The following SLK variants were observed in gnomAD, a reference collection of about 807,000 sequenced individuals.
SLK encodes STE20 like kinase.
In SLK, 67 loss-of-function variants were observed where a neutral mutation model predicts 147.7. The observed-to-expected ratio is 0.45, with a 90% confidence interval of 0.37 to 0.56. The LOEUF is 0.56. Among genes scored for constraint, SLK ranks in the 20% least tolerant of loss-of-function variants. The pLI is 0.00. For missense variants in SLK, 1,136 were observed against 1,438.8 expected (o/e 0.79, Z 3.41); for synonymous variants, 441 against 475.0 (o/e 0.93, Z 0.93).
At chr10:103,972,335 C>A (rs1477741259) in intron 1 of SLK, among the ~76,000 whole-genome samples, 4 of 152,264 alleles carry the variant, frequency 2.6e-5, no homozygotes, top group African/African-American at 9.6e-5. Context: ...CCAGATGATG[C>A]CAAACTAATT....
intron 1 of SLK, among the ~76,000 whole-genome samples, chr10:103,984,197 C>G (rs776232527): frequency 3.9e-5 from 6 of 152,132 alleles, no homozygotes; most frequent in Non-Finnish European, 5.9e-5. Context: ...ATGGATATTA[C>G]TATATACGAT....
At chr10:104,009,097 G>A (rs143882557) in intron 12 of SLK, among the ~76,000 whole-genome samples, 93 of 151,914 alleles carry the variant, frequency 6.1e-4, no homozygotes, top group Non-Finnish European at 1.2e-3. Flanking sequence ...TATTATATTA[G>A]CATCTTTTTT....
At chr10:103,982,515 A>G (rs975545309) in intron 1 of SLK, among the ~76,000 whole-genome samples, 2 of 152,218 alleles carry the variant, frequency 1.3e-5, no homozygotes, top group Non-Finnish European at 2.9e-5. Context: ...GAGAATATAA[A>G]GTATATTTCT....
Position 103,978,182 on chromosome 10 carries a change from T to C in SLK, c.150+10287T>C, listed in dbSNP as rs529252278. Among the ~76,000 whole-genome samples, 14 of 152,296 alleles carry C rather than the reference T, an allele frequency of 9.2e-5. No homozygotes were observed. In the East Asian group the frequency reaches 2.7e-3, roughly 29 times the overall value. On this transcript the variant is annotated intron_variant, in intron 1 of 18. Coordinates refer to ENST00000369755, the MANE Select transcript of SLK (RefSeq NM_014720.4). Reference sequence around the variant, plus strand: ...TTTTATAATATATTTTCTGGCACAATTTTAAAGTTTTAAACTTTCCTTCTT... The same window carrying C: ...TTTTATAATATATTTTCTGGCACAACTTTAAAGTTTTAAACTTTCCTTCTT...
chr10:104,015,789 T>C (rs1844455248), intron 13 of SLK, among the ~76,000 whole-genome samples: 1 of 152,224 alleles, frequency 6.6e-6, no homozygotes, highest in Non-Finnish European at 1.5e-5. Flanking sequence ...TATATTTACC[T>C]TTTTTATTTT....
At chr10:104,008,833 C>T (rs1346842120) in intron 12 of SLK, among the ~76,000 whole-genome samples, 2 of 152,150 alleles carry the variant, frequency 1.3e-5, no homozygotes, top group Admixed American at 6.5e-5. Context: ...ATACTTTTAA[C>T]GATTTTGTTT....
Position 103,986,509 on chromosome 10 carries a change from G to T in SLK, c.151-4166G>T, listed in dbSNP as rs1030958015. Among the ~76,000 whole-genome samples, 7 of 152,248 alleles carry T rather than the reference G, an allele frequency of 4.6e-5. No individual in the cohort carries two copies. The East Asian group carries it at 1.3e-3, about 29-fold the overall frequency. On this transcript the variant is annotated intron_variant, in intron 1 of 18. Coordinates refer to ENST00000369755, the MANE Select transcript of SLK (RefSeq NM_014720.4). The stretch of plus-strand genomic sequence containing the variant: ...GCTCAGGTGGTATTGTGAGCAATGG[G>T]GAGTGGCTCTGAATACAGATGAAGC...
In SLK at chr10:104,001,394, A is replaced by G. The variant is rs113606763; in HGVS notation, c.865-50A>G. The G allele has an allele frequency of 4.0e-3, 5,728 of 1,440,724 alleles. 165 individuals carry two copies. The African/African-American group carries it at 0.069, about 17-fold the overall frequency. The allele number at this position is 1,440,724 out of a possible 1,614,324, so 89.2% of individuals were successfully genotyped here. On this transcript the variant is annotated intron_variant, in intron 7 of 18. Coordinates refer to ENST00000369755, the MANE Select transcript of SLK (RefSeq NM_014720.4). ...TGTGTGTTGTGTGTGTTTGAAACTT[A>G]GTTTAGTAGTATTCCAGTTGTTGAG... is the stretch of plus-strand genomic sequence containing the variant.
rs200759996 is a variant in SLK, at chr10:104,002,385, G to A, written c.1207G>A (p.Asp403Asn). The A allele has an allele frequency of 7.7e-5, 124 of 1,613,488 alleles. No individual in the cohort carries two copies. The highest frequency in any genetic ancestry group is 1.0e-4 in the Non-Finnish European group (119 of 1,179,830). ...GGAGGATATTAATGAACATATTACC[G>A]ATGCTCAGTTAGAAGCAATGACTGA... ...AVEDINEHIT[D>N]AQLEAMTELH... Residue 403 changes from aspartate to asparagine, a missense_variant, in exon 9 of 19, where the codon GAT (aspartate) becomes AAT (asparagine). By Grantham distance (23) the Asp-to-Asn change is conservative (BLOSUM62 1). This residue lies in a region of SLK where 516 missense variants were observed against 531.3 expected (regional missense o/e 0.97). Coordinates refer to ENST00000369755, the MANE Select transcript of SLK (RefSeq NM_014720.4).
intron 1 of SLK, among the ~76,000 whole-genome samples, chr10:103,988,873 A>T (rs561069791): frequency 1.3e-5 from 2 of 152,128 alleles, no homozygotes; most frequent in East Asian, 3.9e-4. Flanking sequence ...TGATGAGGAG[A>T]CTAAAAGAGG....
chr10:104,009,891 G>A (rs559213671), intron 12 of SLK, among the ~76,000 whole-genome samples: 3 of 152,158 alleles, frequency 2.0e-5, no homozygotes, highest in East Asian at 1.9e-4. Flanking sequence ...AATACACGAT[G>A]TTAAATCAAA....
intron 1 of SLK, among the ~76,000 whole-genome samples, 199 bp from the exon 2 acceptor site, chr10:103,990,476 C>G (rs1043318350): frequency 6.6e-6 from 1 of 152,148 alleles, no homozygotes; most frequent in Non-Finnish European, 1.5e-5. Flanking sequence ...CTAAAACTTT[C>G]CTTTATCAAA....
chr10:103,989,213 T>C (rs1844056752), intron 1 of SLK, among the ~76,000 whole-genome samples: 1 of 152,100 alleles, frequency 6.6e-6, no homozygotes, highest in Non-Finnish European at 1.5e-5. Context: ...TAAAAAATGG[T>C]CAAAAGATTT....
Position 104,026,518 on chromosome 10 carries a change from G to T in SLK, c.*798G>T, listed in dbSNP as rs1375632921. 2.0e-5 allele frequency: 3 copies of T among 152,230 alleles called. No individual in the cohort carries two copies. The highest frequency in any genetic ancestry group is 7.2e-5 in the African/African-American group (3 of 41,440). The allele number at this position is 152,230 out of a possible 1,614,324, so 9.4% of individuals were successfully genotyped here. A position where few individuals can be genotyped will look rare whatever the true frequency, so the allele number is the denominator to read the frequency against. ...ACAAAGTTTGGAAAGATGAAAAAAA[G>T]AGGTAGCTTTTAGATTGCAAACTGG... On this transcript the variant is annotated 3_prime_UTR_variant, in exon 19 of 19. Coordinates refer to ENST00000369755, the MANE Select transcript of SLK (RefSeq NM_014720.4).
rs533772044 is a variant in SLK at position 103,997,158 on chromosome 10, G to A, written c.515-1741G>A. 1.8e-4 allele frequency among the ~76,000 whole-genome samples: 27 copies of A among 152,208 alleles called. No homozygotes were observed. The South Asian group carries it at 4.8e-3, about 27-fold the overall frequency. ...GATTTTGACCACTCTAGGTATATAC[G>A]TATGTGGAATCATACAACATTTGTC... is the stretch of plus-strand genomic sequence containing the variant. On this transcript the variant is annotated intron_variant, in intron 4 of 18. Coordinates refer to ENST00000369755, the MANE Select transcript of SLK (RefSeq NM_014720.4).
intron 13 of SLK, among the ~76,000 whole-genome samples, chr10:104,012,446 G>A (rs1937066059): frequency 6.6e-6 from 1 of 152,070 alleles, no homozygotes; most frequent in Non-Finnish European, 1.5e-5. Flanking sequence ...AGTTTAAGGT[G>A]GTTAATAGCA....
At chr10:103,983,302 G>A (rs1014689294) in intron 1 of SLK, among the ~76,000 whole-genome samples, 11 of 152,274 alleles carry the variant, frequency 7.2e-5, no homozygotes, top group Non-Finnish European at 1.6e-4. Flanking sequence ...CAGTCTAAAA[G>A]TATATGCTTC....
chr10:104,007,330 G>A (rs1232554185), intron 11 of SLK, among the ~76,000 whole-genome samples: 2 of 152,054 alleles, frequency 1.3e-5, no homozygotes, highest in East Asian at 3.9e-4. Context: ...TTTGGGTCGG[G>A]CGCAGTGCCT....
chr10:104,016,244 G>A (rs1428649389), intron 13 of SLK, among the ~76,000 whole-genome samples: 13 of 152,020 alleles, frequency 8.6e-5, no homozygotes, highest in Admixed American at 4.6e-4. Context: ...GCATGAACCC[G>A]GGAGGCGGAG....
Sources: gnomAD v4.1 joint callset for allele counts (sites outside exome capture counted in the v4.1 genomes callset) on GRCh38, gnomAD v4.1.1 for gene constraint, gnomAD v4.1.1 regional missense constraint, MANE v1.5 for transcripts, NCBI Gene and HGNC (gene_info 2026-07-23, HGNC 2026-07-21) for gene names.